The following PLBD2 variants were observed in gnomAD, a reference collection of about 807,000 sequenced individuals.
PLBD2 encodes phospholipase B domain containing 2.
Under a neutral mutation model 68.3 loss-of-function variants are expected in PLBD2, and 51 were observed. The observed-to-expected ratio is 0.75, with a 90% CI of 0.60 to 0.94. The LOEUF is 0.94. PLBD2 is among the 40% of genes least tolerant of loss of function. The probability of loss-of-function intolerance (pLI) is 0.00; values close to 1 mark genes in which losing one functional copy is unlikely to be tolerated. For missense variants in PLBD2, 729 were observed against 792.2 expected (o/e 0.92, Z 0.96); for synonymous variants, 314 against 339.3 (o/e 0.93, Z 0.82).
chr12:113,385,053 G>T, intron 8 of PLBD2, 107 bp downstream of exon 8: 1 of 1,330,526 alleles, frequency 7.5e-7, no homozygotes, highest in Non-Finnish European at 1.1e-6. Flanking sequence ...ATCTCAGGAG[G>T]GTGTGGCTGG....
Position 113,384,120 on chromosome 12 carries a change from A to C in PLBD2, c.973A>C (p.Thr325Pro). The C allele has an allele frequency of 6.2e-7, 1 of 1,609,722 alleles. No individual in the cohort carries two copies. The highest frequency in any genetic ancestry group is 8.5e-7 in the Non-Finnish European group (1 of 1,177,312). Residue 325 changes from threonine (T) to proline (P), a missense_variant, in exon 7 of 12, where the codon ACC becomes CCC. Physicochemically the swap from Thr to Pro is conservative, Grantham distance 38. Transcript: ENST00000280800. This position sits in a 1 kb window ranked among gnomAD's most constrained non-coding sequence, Gnocchi z 4.2. ...LGSGLVTLET[T>P]IGNKNPALWK... is the part of the protein sequence containing the mutation. ...CTTCCCACAGGTGACACTGGAGACC[A>C]CCATTGGCAACAAGAACCCAGCCCT...
intron 6 of PLBD2, 117 bp downstream of exon 6, chr12:113,380,959 G>A: frequency 1.0e-6 from 1 of 988,330 alleles, no homozygotes; most frequent in Non-Finnish European, 1.5e-6. Flanking sequence ...AGTGCTGGGT[G>A]CCATGTAGGA....
At chr12:113,364,673 G>T (rs1957326857) in intron 1 of PLBD2, among the ~76,000 whole-genome samples, 1 of 151,918 alleles carries the variant, frequency 6.6e-6, no homozygotes, top group Non-Finnish European at 1.5e-5. Context: ...TATTGTCCAG[G>T]CTGGTCTCTT....
rs1565867679 is a variant in PLBD2, at chr12:113,391,080, G to C, written c.*2454G>C. The stretch of plus-strand genomic sequence containing the variant: ...TGTTTATTGAGCACCTGTGTTCTGG[G>C]TCCTATTTGGGAGCCTTGTTAACCA... On this transcript the variant is annotated 3_prime_UTR_variant, in exon 12 of 12. Transcript: ENST00000280800. The C allele has an allele frequency of 6.6e-6, 1 of 152,020 alleles. No individual in the cohort carries two copies. The allele number at this position is 152,020 out of a possible 1,614,324, so 9.4% of individuals were successfully genotyped here.
Position 113,369,227 on chromosome 12 carries a change from G to A in PLBD2, c.384+18G>A. 1 of 1,573,566 alleles carries A rather than the reference G, an allele frequency of 6.4e-7. No individual in the cohort carries two copies. Among genetic ancestry groups the A allele is most frequent in the Non-Finnish European group, 8.6e-7 (1 of 1,157,618 alleles). ...CGGAGGAGGTAAGGGCCAAGGTGGG[G>A]ACATGGGGCTCCCACCCTGCCCCAG... On this transcript the variant is annotated intron_variant, in intron 2 of 11. Transcript: ENST00000280800.
At chr12:113,379,077 G>A (rs967888889) in intron 5 of PLBD2, among the ~76,000 whole-genome samples, 1 of 152,136 alleles carries the variant, frequency 6.6e-6, no homozygotes, top group Non-Finnish European at 1.5e-5. Context: ...GGGAGGCCGA[G>A]GCTGGTGGAT....
chr12:113,384,283 C>G lies in PLBD2; in HGVS notation c.1118+18C>G, dbSNP rs780042563. ...AGCGGCACGTGAGTGGGCTTCTGGC[C>G]CTGTGGCTTCCCCTGCACCAAGAGA... On this transcript the variant is annotated intron_variant, in intron 7 of 11. Transcript: ENST00000280800. This position sits in a 1 kb window ranked among gnomAD's most constrained non-coding sequence, Gnocchi z 4.2. 7.5e-6 allele frequency: 12 copies of G among 1,598,000 alleles called. No homozygotes were observed. Among genetic ancestry groups the G allele is most frequent in the Non-Finnish European group, 9.4e-6 (11 of 1,170,994 alleles).
intron 9 of PLBD2, 111 bp downstream of exon 9, chr12:113,385,394 C>A (rs531489961): frequency 9.6e-7 from 1 of 1,042,876 alleles, no homozygotes; most frequent in South Asian, 1.5e-5. Flanking sequence ...AGAATCCCAG[C>A]CTACCCCCTT....
intron 6 of PLBD2, among the ~76,000 whole-genome samples, chr12:113,381,412 C>T (rs552560018): frequency 6.6e-6 from 1 of 152,200 alleles, no homozygotes; most frequent in South Asian, 2.1e-4. Flanking sequence ...GTCCCTGGCA[C>T]CCCTCGCTGA....
At chr12:113,383,788 G>A (rs1308996633) in intron 6 of PLBD2, among the ~76,000 whole-genome samples, 1 of 151,170 alleles carries the variant, frequency 6.6e-6, no homozygotes, top group Non-Finnish European at 1.5e-5. Flanking sequence ...ATCACTTGAG[G>A]TCAGGAGTTA....
In PLBD2 at chr12:113,384,967, G is replaced by A; in HGVS notation, c.1214+21G>A. 1.3e-6 allele frequency: 2 copies of A among 1,593,772 alleles called. No homozygotes were observed. Among genetic ancestry groups the A allele is most frequent in the Non-Finnish European group, 1.7e-6 (2 of 1,165,694 alleles). ...ATCCCGTGCGTACCCTGGGAGGGAG[G>A]GGTGGGGGCTCGGGGCAGAGGGGAC... is the stretch of plus-strand genomic sequence containing the variant. On this transcript the variant is annotated intron_variant, in intron 8 of 11. Transcript: ENST00000280800. The surrounding 1 kb of genome is among the most constrained non-coding windows in gnomAD (Gnocchi z 4.2).
chr12:113,388,380 A>G, intron 11 of PLBD2, 79 bp from the exon 12 acceptor site: 9 of 1,373,968 alleles, frequency 6.6e-6, no homozygotes, highest in Non-Finnish European at 8.6e-6. Context: ...TCTGGGGTCA[A>G]GGTCAGGGTG....
chr12:113,388,426 C>T, intron 11 of PLBD2, 33 bp from the exon 12 acceptor site: 1 of 1,513,620 alleles, frequency 6.6e-7, no homozygotes, highest in Non-Finnish European at 8.8e-7. Context: ...AGGCCAGGAC[C>T]CCTGCTCAGC....
rs564681931 is a variant in PLBD2 at position 113,375,806 on chromosome 12, C to A, written c.859+799C>A. On this transcript the variant is annotated intron_variant, in intron 5 of 11. Transcript: ENST00000280800. ...CAGGCCTGTTCATGTAGCACTGGGG[C>A]AGGATATGGTAAAGGCCTCTTGAGA... Among the ~76,000 whole-genome samples, 31 of 152,278 alleles carry A rather than the reference C, an allele frequency of 2.0e-4. No individual in the cohort carries two copies. The South Asian group carries it at 2.7e-3, about 13-fold the overall frequency.
chr12:113,370,100 C>T (rs7974117), intron 2 of PLBD2, among the ~76,000 whole-genome samples: 11,154 of 152,014 alleles, frequency 0.073, 561 homozygotes, highest in East Asian at 0.21. Flanking sequence ...GGATTTCGCC[C>T]TGTTGGCCAG....
chr12:113,361,889 TGAGA>T (rs1957299874), intron 1 of PLBD2, among the ~76,000 whole-genome samples: 2 of 152,118 alleles, frequency 1.3e-5, no homozygotes, highest in South Asian at 4.1e-4. Flanking sequence ...ACCATCCCGT[TGAGA>T]GAGGAAGTGA....
chr12:113,383,930 C>T (rs1300106237), intron 6 of PLBD2, among the ~76,000 whole-genome samples, 175 bp from the exon 7 acceptor site: 1 of 139,618 alleles, frequency 7.2e-6, no homozygotes, highest in Non-Finnish European at 1.5e-5. Context: ...ACTTGGGAGG[C>T]GGAGGTTGTA....
chr12:113,369,904 C>CTTTTT (rs937651285), intron 2 of PLBD2, among the ~76,000 whole-genome samples: 1 of 143,946 alleles, frequency 6.9e-6, no homozygotes, highest in African/African-American at 2.5e-5. Context: ...ATGAATTGTA[C>CTTTTT]TTTTTTTTTT....
chr12:113,381,629 C>T (rs1001765044), intron 6 of PLBD2, among the ~76,000 whole-genome samples: 2 of 151,966 alleles, frequency 1.3e-5, no homozygotes, highest in Non-Finnish European at 2.9e-5. Context: ...CATGCTGTGG[C>T]CCAGGTGGGG....
Sources: gnomAD v4.1 joint callset for allele counts (sites outside exome capture counted in the v4.1 genomes callset) on GRCh38, gnomAD v4.1.1 for gene constraint, Gnocchi (gnomAD v3.1) non-coding constraint, MANE v1.5 for transcripts, NCBI Gene and HGNC (gene_info 2026-07-23, HGNC 2026-07-21) for gene names.